Variants in CCDC40 observed in about 807,000 individuals in gnomAD.
The protein encoded by CCDC40 is coiled-coil domain-containing protein 40.
Under a neutral mutation model 124.5 loss-of-function variants are expected in CCDC40, and 104 were observed. That is an observed-to-expected ratio of 0.84 (90% CI 0.71 to 0.98). CCDC40 has a LOEUF of 0.98. Among genes scored for constraint, CCDC40 ranks in the 50% least tolerant of loss-of-function variants. CCDC40 has a pLI of 0.00. For missense variants in CCDC40, 1,463 were observed against 1,503.9 expected (o/e 0.97, Z 0.45); for synonymous variants, 580 against 602.9 (o/e 0.96, Z 0.56).
At chr17:80,075,313 T>G (rs543162916) in intron 10 of CCDC40, among the ~76,000 whole-genome samples, 79 of 151,144 alleles carry the variant, frequency 5.2e-4, no homozygotes, top group Non-Finnish European at 8.1e-4. Flanking sequence ...GCTTCTCTTT[T>G]GTCGCCCAGG....
At position 80,040,444 on chromosome 17, in the gene CCDC40, G is replaced by A. The variant is rs7502454; in HGVS notation, c.552+174G>A. The A allele has an allele frequency of 0.02, 13,133 of 672,596 alleles. 868 individuals carry two copies. Among genetic ancestry groups the A allele is most frequent in the African/African-American group, 0.16 (9,153 of 55,552 alleles). The allele number at this position is 672,596 out of a possible 1,614,324, so 41.7% of individuals were successfully genotyped here. On this transcript the variant is annotated intron_variant, in intron 3 of 19. Transcript: ENST00000397545. ...CTGTAATCCCAGCACTTTGGGAGGC[G>A]AAGGTGGGTGGGTCACCTGAGGTCA...
chr17:80,078,932 C>CTTT (rs529655342), intron 10 of CCDC40, among the ~76,000 whole-genome samples: 14 of 131,668 alleles, frequency 1.1e-4, no homozygotes, highest in African/African-American at 3.7e-4. Flanking sequence ...GTATCAGTAT[C>CTTT]TTTTTTTTTT....
At chr17:80,040,970 C>A (rs542225128) in intron 3 of CCDC40, among the ~76,000 whole-genome samples, 1 of 152,182 alleles carries the variant, frequency 6.6e-6, no homozygotes, top group Admixed American at 6.5e-5. Flanking sequence ...TAAATAGCCA[C>A]CTGTTGCCAG....
Position 80,099,586 on chromosome 17 carries a change from G to T in CCDC40, c.3240G>T (p.Glu1080Asp). Residue 1080 changes from glutamate (E) to aspartate (D), a missense_variant, in exon 20 of 20, where the codon GAG (glutamate) becomes GAT (aspartate). Glu to Asp is a conservative substitution (Grantham distance 45). Coordinates refer to ENST00000397545, the MANE Select transcript of CCDC40 (RefSeq NM_017950.4). ...TRLKHLQAVKEGRYVFLFRSK... is the reference protein window; with the variant it reads ...TRLKHLQAVKDGRYVFLFRSK... ...TTAAGCACCTGCAGGCTGTGAAGGA[G>T]GGGCGCTACGTGTTCCTGTTCCGCT... is the stretch of plus-strand genomic sequence containing the variant. The T allele has an allele frequency of 6.2e-7, 1 of 1,613,540 alleles. No individual in the cohort carries two copies.
rs1233657181 is a variant in CCDC40, at chr17:80,058,205, C to G, written c.1160-289C>G. ...CCACCTGGCACTACTTCAGTGTATC[C>G]TTAGACTACCAGGAGGATCTCTGAG... On this transcript the variant is annotated intron_variant, in intron 7 of 19. Coordinates refer to ENST00000397545, the MANE Select transcript of CCDC40 (RefSeq NM_017950.4). This position sits in a 1 kb window ranked among gnomAD's most constrained non-coding sequence, Gnocchi z 4.2. 6.6e-6 allele frequency among the ~76,000 whole-genome samples: 1 copy of G among 152,214 alleles called. No homozygotes were observed. Among genetic ancestry groups the G allele is most frequent in the Non-Finnish European group, 1.5e-5 (1 of 68,024 alleles).
Position 80,099,885 on chromosome 17 carries a change from G to C in CCDC40, c.*110G>C, listed in dbSNP as rs538250134. The C allele has an allele frequency of 3.3e-6, 4 of 1,225,494 alleles. No homozygotes were observed. In the African/African-American group the frequency reaches 4.5e-5, roughly 14 times the overall value. 75.9% of individuals were successfully genotyped at this position (1,225,494 alleles called of 1,614,324 possible). A position where few individuals can be genotyped will look rare whatever the true frequency, so the allele number is the denominator to read the frequency against. On this transcript the variant is annotated 3_prime_UTR_variant, in exon 20 of 20. Coordinates refer to ENST00000397545, the MANE Select transcript of CCDC40 (RefSeq NM_017950.4). Reference sequence around the variant, plus strand: ...TTCCTAAAAACCACATGTACCCTCAGAAGGGCATCGTTTAAGAGAAATAAG... The same window carrying C: ...TTCCTAAAAACCACATGTACCCTCACAAGGGCATCGTTTAAGAGAAATAAG...
rs1555889124 is a variant in CCDC40 at position 80,037,688 on chromosome 17, A to AGAT, written c.30-435_30-434insGAT. ...AGCTTGAATCTTTAATTTTTTAAAA[A>AGAT]AGATATACATATATATATATATATA... On this transcript the variant is annotated intron_variant, in intron 1 of 19. Coordinates refer to ENST00000397545, the MANE Select transcript of CCDC40 (RefSeq NM_017950.4). Among the ~76,000 whole-genome samples the AGAT allele has an allele frequency of 9.5e-3, 432 of 45,686 alleles. 9 individuals are homozygous for AGAT. The highest frequency in any genetic ancestry group is 0.024 in the African/African-American group (406 of 16,952). 30.0% of individuals were successfully genotyped at this position (45,686 alleles called of 152,430 possible). A position where few individuals can be genotyped will look rare whatever the true frequency, so the allele number is the denominator to read the frequency against.
In CCDC40 at chr17:80,050,181, G is replaced by A. The variant is rs202123909; in HGVS notation, c.1057G>A (p.Ala353Thr). Residue 353 changes from alanine to threonine, a missense_variant, in exon 7 of 20, where the codon GCA becomes ACA. Ala to Thr is a moderately conservative substitution (Grantham distance 58). Transcript: ENST00000397545. ...KLLEKSHDRH[A>T]MASSERRQKE... Reference sequence around the variant, plus strand: ...GCTGGAGAAGAGTCACGACCGCCACGCAATGGCCTCGAGCGAGCGCAGGCA... The same window carrying A: ...GCTGGAGAAGAGTCACGACCGCCACACAATGGCCTCGAGCGAGCGCAGGCA... 8.1e-5 allele frequency: 131 copies of A among 1,613,112 alleles called. 1 individual carries two copies. Among genetic ancestry groups the A allele is most frequent in the Admixed American group, 4.2e-4 (25 of 59,996 alleles).
chr17:80,051,628 C>CAA (rs200887220), intron 7 of CCDC40, among the ~76,000 whole-genome samples: 13 of 94,150 alleles, frequency 1.4e-4, no homozygotes, highest in South Asian at 8.8e-4. Context: ...GACTCCGTCT[C>CAA]AAAAAAAAAA....
At chr17:80,043,054 C>T (rs945167047) in intron 3 of CCDC40, among the ~76,000 whole-genome samples, 2 of 152,032 alleles carry the variant, frequency 1.3e-5, no homozygotes, top group Non-Finnish European at 2.9e-5. Context: ...AATGTCGGTT[C>T]CTCTTTAAAC....
At chr17:80,051,036 C>T (rs1322223289) in intron 7 of CCDC40, among the ~76,000 whole-genome samples, 3 of 152,214 alleles carry the variant, frequency 2.0e-5, no homozygotes, top group Non-Finnish European at 2.9e-5. Context: ...GGCTACAGCA[C>T]GTGCTATGCA....
Position 80,087,777 on chromosome 17 carries a change from G to GT in CCDC40, c.2619+2dup, listed in dbSNP as rs749832017. Reference sequence around the variant, plus strand: ...GAATGAGTTCGTGCGCTCGCTGAAGGTCCGGCCGTGTCCACGCAGTCCCGG... The same window carrying GT: ...GAATGAGTTCGTGCGCTCGCTGAAGGTTCCGGCCGTGTCCACGCAGTCCCGG... On this transcript the variant is annotated splice_donor_variant, in intron 15 of 19. Transcript: ENST00000397545. LOFTEE classifies it high-confidence loss of function. This position sits in a 1 kb window ranked among gnomAD's most constrained non-coding sequence, Gnocchi z 4.5. 1.2e-6 allele frequency: 2 copies of GT among 1,613,808 alleles called. No homozygotes were observed. The highest frequency in any genetic ancestry group is 2.7e-5 in the African/African-American group (2 of 74,918).
chr17:80,058,704 A>G lies in CCDC40; in HGVS notation c.1317+53A>G, dbSNP rs2143649474. The G allele has an allele frequency of 6.2e-7, 1 of 1,610,276 alleles. No homozygotes were observed. The highest frequency in any genetic ancestry group is 8.5e-7 in the Non-Finnish European group (1 of 1,176,620). ...ATGATCACCAGACCGTGGAGCTTCA[A>G]AAAGGGGCTCAGCTTTGCCTCCTGC... On this transcript the variant is annotated intron_variant, in intron 8 of 19. Coordinates refer to ENST00000397545, the MANE Select transcript of CCDC40 (RefSeq NM_017950.4). The surrounding 1 kb of genome is among the most constrained non-coding windows in gnomAD (Gnocchi z 4.2).
At chr17:80,045,959 T>C (rs1233592462) in intron 3 of CCDC40, among the ~76,000 whole-genome samples, 3 of 152,164 alleles carry the variant, frequency 2.0e-5, no homozygotes, top group East Asian at 1.9e-4. Flanking sequence ...AAAACAATTA[T>C]GTAATCCTCC....
intron 10 of CCDC40, among the ~76,000 whole-genome samples, chr17:80,070,019 A>G (rs1185944805): frequency 6.6e-6 from 1 of 152,192 alleles, no homozygotes; most frequent in Non-Finnish European, 1.5e-5. Flanking sequence ...GGGTGATTTC[A>G]CTGTTTCCTG....
intron 1 of CCDC40, among the ~76,000 whole-genome samples, chr17:80,037,519 G>A (rs531614047): frequency 6.6e-6 from 1 of 151,908 alleles, no homozygotes; most frequent in South Asian, 2.1e-4. Flanking sequence ...GGGTGTGTGT[G>A]TGTGTTTAAA....
Position 80,090,809 on chromosome 17 carries a change from C to T in CCDC40, c.2832+925C>T, listed in dbSNP as rs1370074836. The T allele has an allele frequency of 1.6e-5, 20 of 1,228,960 alleles. No individual in the cohort carries two copies. The African/African-American group carries it at 2.9e-4, about 18-fold the overall frequency. The allele number at this position is 1,228,960 out of a possible 1,614,324, so 76.1% of individuals were successfully genotyped here. On this transcript the variant is annotated intron_variant, in intron 17 of 19. Transcript: ENST00000397545. ...TAAAATAAATGGGCCTCACTTTCACCATGCCATGCTAAATAGAAATTCCTC... is the reference window on the plus strand; with the variant it reads ...TAAAATAAATGGGCCTCACTTTCACTATGCCATGCTAAATAGAAATTCCTC...
intron 16 of CCDC40, 57 bp from the exon 17 acceptor site, chr17:80,089,707 A>G: frequency 6.2e-7 from 1 of 1,606,110 alleles, no homozygotes; most frequent in South Asian, 1.1e-5. Context: ...GTGTGAGCTC[A>G]CCGAAGCATC....
chr17:80,072,956 C>G (rs1048280631), intron 10 of CCDC40, among the ~76,000 whole-genome samples: 1 of 151,392 alleles, frequency 6.6e-6, no homozygotes, highest in Non-Finnish European at 1.5e-5. Flanking sequence ...TTCAGTGTGC[C>G]TCGCTTTCTC....
Sources: gnomAD v4.1 joint callset for allele counts (sites outside exome capture counted in the v4.1 genomes callset) on GRCh38, gnomAD v4.1.1 for gene constraint, Gnocchi (gnomAD v3.1) non-coding constraint, MANE v1.5 for transcripts, NCBI Gene and HGNC (gene_info 2026-07-23, HGNC 2026-07-21) for gene names.